The following GSE1 variants were observed in gnomAD, a reference collection of about 807,000 sequenced individuals.
GSE1 encodes Gse1 coiled-coil protein, also known as genetic suppressor element 1.
GSE1 carries 32 observed loss-of-function variants against 112.6 expected under a neutral mutation model. The ratio of observed to expected loss-of-function variants is 0.28; its 90% confidence interval spans 0.21 to 0.38. The LOEUF is 0.38. Ranked by LOEUF, GSE1 falls within the 10% of genes least tolerant of loss-of-function variation. GSE1 has a pLI of 1.00. For synonymous variants in GSE1, 1,115 were observed against 735.6 expected, an observed-to-expected ratio of 1.52 and a Z score of -8.35; for missense variants, 2,348 against 1,699.2, an observed-to-expected ratio of 1.38 and a Z score of -6.71.
At chr16:85,229,980 C>A (rs1211841268) in intron 1 of GSE1, among the ~76,000 whole-genome samples, 1 of 152,160 alleles carries the variant, frequency 6.6e-6, no homozygotes, top group African/African-American at 2.4e-5. Flanking sequence ...AGGGCTGTGC[C>A]ACATGCCCAC....
intron 3 of GSE1, among the ~76,000 whole-genome samples, chr16:85,649,707 C>T (rs919471423): frequency 1.3e-5 from 2 of 152,320 alleles, no homozygotes; most frequent in South Asian, 4.1e-4. Flanking sequence ...GCTGCTGTCA[C>T]CTGGACTTTT....
intron 3 of GSE1, among the ~76,000 whole-genome samples, chr16:85,650,271 C>T (rs2051223350): frequency 6.6e-6 from 1 of 151,980 alleles, no homozygotes; most frequent in Non-Finnish European, 1.5e-5. Context: ...CCGCTGCCTC[C>T]AGAGGCCGCC....
intron 3 of GSE1, among the ~76,000 whole-genome samples, chr16:85,652,628 G>C (rs1054128911): frequency 4.6e-5 from 7 of 152,182 alleles, no homozygotes; most frequent in Admixed American, 2.6e-4. Flanking sequence ...GCGCCGGCCC[G>C]GGCTGCCTGC....
At chr16:85,670,794 TGG>T in intron 14 of GSE1, 199 bp from the exon 15 acceptor site, 1 of 419,510 alleles carries the variant, frequency 2.4e-6, no homozygotes, top group Non-Finnish European at 4.3e-6. Flanking sequence ...TCCTGTGTAT[TGG>T]GCTTAATTTA....
Position 85,199,965 on chromosome 16 carries a change from A to G in GSE1, c.2283+28158A>G, listed in dbSNP as rs191717195. On this transcript the variant is annotated intron_variant, in intron 1 of 2. Transcript: ENST00000637419. Reference sequence around the variant, plus strand: ...GGGGGACACATGAAACTCCTAGGCCAGAAGACGCAGCCACCAGCCCCTGCC... The same window carrying G: ...GGGGGACACATGAAACTCCTAGGCCGGAAGACGCAGCCACCAGCCCCTGCC... 2.6e-5 allele frequency among the ~76,000 whole-genome samples: 4 copies of G among 152,288 alleles called. No homozygotes were observed. In the East Asian group the frequency reaches 7.7e-4, roughly 29 times the overall value.
chr16:85,312,331 G>C (rs973641359), intron 1 of GSE1, among the ~76,000 whole-genome samples: 1 of 152,020 alleles, frequency 6.6e-6, no homozygotes, highest in Non-Finnish European at 1.5e-5. Context: ...GGTTCTGCAG[G>C]CCAGGAGTCC....
At chr16:85,491,580 G>C (rs534259097) in intron 2 of GSE1, among the ~76,000 whole-genome samples, 1 of 152,156 alleles carries the variant, frequency 6.6e-6, no homozygotes, top group African/African-American at 2.4e-5. Flanking sequence ...CAAGGAGGGC[G>C]AGACGGCTGT....
chr16:85,352,840 C>T (rs1033799418), intron 1 of GSE1, among the ~76,000 whole-genome samples: 2 of 152,202 alleles, frequency 1.3e-5, no homozygotes, highest in African/African-American at 4.8e-5. Context: ...AAAATCCTTT[C>T]ACTCCCAACA....
intron 2 of GSE1, among the ~76,000 whole-genome samples, chr16:85,549,588 G>A (rs547024864): frequency 1.9e-4 from 29 of 152,334 alleles, no homozygotes; most frequent in African/African-American, 6.5e-4. Context: ...GACAGCACCC[G>A]TGGGTGGGGT....
chr16:85,196,098 A>G (rs1054175930), intron 1 of GSE1, among the ~76,000 whole-genome samples: 27 of 152,204 alleles, frequency 1.8e-4, no homozygotes, highest in African/African-American at 6.5e-4. Flanking sequence ...GAGGGCTCTA[A>G]ATAGTCTCAG....
intron 1 of GSE1, among the ~76,000 whole-genome samples, chr16:85,193,589 A>C (rs947184663): frequency 1.3e-5 from 2 of 151,972 alleles, no homozygotes; most frequent in Non-Finnish European, 2.9e-5. Context: ...CCTCCCGAGT[A>C]GCTGGGATTA....
At chr16:85,571,521 C>A (rs372363986) in intron 1 of GSE1, among the ~76,000 whole-genome samples, 123 of 152,342 alleles carry the variant, frequency 8.1e-4, no homozygotes, top group African/African-American at 2.7e-3. Flanking sequence ...AGCTGGAAGG[C>A]TGGGCCTGCA....
At chr16:85,284,628 T>TGCTAACTGGATATTAAACGCCC (rs2044961740) in intron 1 of GSE1, among the ~76,000 whole-genome samples, 1 of 152,234 alleles carries the variant, frequency 6.6e-6, no homozygotes, top group Admixed American at 6.5e-5. Flanking sequence ...GGTGAGAACC[T>TGCTAACTGGATATTAAACGCCC]GCTAACTGGA....
At chr16:85,389,532 C>T (rs1461769877) in intron 2 of GSE1, among the ~76,000 whole-genome samples, 2 of 150,824 alleles carry the variant, frequency 1.3e-5, no homozygotes, top group African/African-American at 2.4e-5. Flanking sequence ...ACATTATTTT[C>T]ATCTGGTTTG....
At chr16:85,237,736 G>A (rs545224902) in intron 1 of GSE1, among the ~76,000 whole-genome samples, 83 of 152,130 alleles carry the variant, frequency 5.5e-4, no homozygotes, top group Non-Finnish European at 1.1e-3. Flanking sequence ...TACTTGGGAG[G>A]CTGAGGCAGG....
At chr16:85,602,911 G>A (rs2047529575) in intron 1 of GSE1, among the ~76,000 whole-genome samples, 1 of 152,254 alleles carries the variant, frequency 6.6e-6, no homozygotes, top group African/African-American at 2.4e-5. Flanking sequence ...TGGGACCGGA[G>A]CGGGGCGCTC....
intron 2 of GSE1, among the ~76,000 whole-genome samples, chr16:85,528,867 G>T (rs1017716174): frequency 2.6e-5 from 4 of 152,148 alleles, no homozygotes; most frequent in Non-Finnish European, 4.4e-5. Flanking sequence ...CAGGCAAAAA[G>T]GGAAGAGCTG....
intron 13 of GSE1, among the ~76,000 whole-genome samples, chr16:85,667,253 G>C (rs989753450): frequency 3.3e-5 from 5 of 152,206 alleles, no homozygotes; most frequent in Non-Finnish European, 7.3e-5. Context: ...CCTTGTCCTG[G>C]CCTTACACTA....
At chr16:85,200,048 G>A (rs1185006777) in intron 1 of GSE1, among the ~76,000 whole-genome samples, 2 of 152,156 alleles carry the variant, frequency 1.3e-5, no homozygotes, top group Non-Finnish European at 2.9e-5. Flanking sequence ...CTGTCACCCT[G>A]CCTTCTGCCT....
Sources: gnomAD v4.1 joint callset for allele counts (sites outside exome capture counted in the v4.1 genomes callset) on GRCh38, gnomAD v4.1.1 for gene constraint, MANE v1.5 for transcripts, NCBI Gene and HGNC (gene_info 2026-07-23, HGNC 2026-07-21) for gene names.